Variants in CTNNA3 observed in about 807,000 individuals in gnomAD.
The protein encoded by CTNNA3 is catenin alpha 3, also known as catenin alpha-3.
A neutral mutation model predicts 95.7 loss-of-function variants in CTNNA3; 76 were observed. The observed-to-expected ratio is 0.79, with a 90% CI of 0.66 to 0.96. The LOEUF is 0.96. Ranked by LOEUF, CTNNA3 falls within the 40% of genes least tolerant of loss-of-function variation. The pLI, the probability that CTNNA3 is intolerant of heterozygous loss-of-function variation, is 0.00. For missense variants in CTNNA3, 1,191 were observed against 1,089.8 expected (o/e 1.09, Z -1.31); for synonymous variants, 431 against 374.4 (o/e 1.15, Z -1.74).
chr10:67,010,399 A>G (rs2133034395), intron 7 of CTNNA3, among the ~76,000 whole-genome samples: 1 of 152,338 alleles, frequency 6.6e-6, no homozygotes, highest in East Asian at 1.9e-4. Flanking sequence ...ACCTTTGAAA[A>G]TAAAAAGTCA....
At chr10:66,967,361 T>C (rs1476668688) in intron 7 of CTNNA3, among the ~76,000 whole-genome samples, 2 of 151,642 alleles carry the variant, frequency 1.3e-5, no homozygotes, top group Non-Finnish European at 2.9e-5. Flanking sequence ...GATAGATAGA[T>C]ATATGTAGAT....
At chr10:66,760,995 G>C (rs1220559654) in intron 9 of CTNNA3, among the ~76,000 whole-genome samples, 1 of 152,014 alleles carries the variant, frequency 6.6e-6, no homozygotes, top group Non-Finnish European at 1.5e-5. Context: ...TTTTTTGAGG[G>C]AAAGAAGAAG....
chr10:66,595,305 T>C (rs1044540215), intron 10 of CTNNA3, among the ~76,000 whole-genome samples: 24 of 151,044 alleles, frequency 1.6e-4, no homozygotes, highest in African/African-American at 5.9e-4. Context: ...TGCTGTTAAA[T>C]ATTCCTTGTT....
intron 4 of CTNNA3, among the ~76,000 whole-genome samples, chr10:67,528,864 A>G (rs1840230015): frequency 6.6e-6 from 1 of 152,214 alleles, no homozygotes; most frequent in Admixed American, 6.5e-5. Context: ...TTCTTAAAAA[A>G]TGAAAATTTT....
At chr10:66,236,959 T>TAA (rs57353041) in intron 13 of CTNNA3, among the ~76,000 whole-genome samples, 22 of 148,690 alleles carry the variant, frequency 1.5e-4, no homozygotes, top group East Asian at 2.0e-4. Flanking sequence ...CACTAAAAAT[T>TAA]AAAAAAAAAA....
At chr10:66,967,317 T>C (rs1455306711) in intron 7 of CTNNA3, among the ~76,000 whole-genome samples, 3 of 150,102 alleles carry the variant, frequency 2.0e-5, no homozygotes, top group Admixed American at 6.7e-5. Context: ...TAGATAGATA[T>C]AGATATGGAT....
intron 9 of CTNNA3, among the ~76,000 whole-genome samples, chr10:66,683,489 G>T (rs914086404): frequency 1.4e-4 from 21 of 152,134 alleles, no homozygotes; most frequent in African/African-American, 4.6e-4. Context: ...ATTGGACTGG[G>T]AACAGTGGGC....
At chr10:66,695,917 G>GGT (rs1554837116) in intron 9 of CTNNA3, among the ~76,000 whole-genome samples, 4 of 4,092 alleles carry the variant, frequency 9.8e-4, no homozygotes, top group Admixed American at 8.7e-3. Flanking sequence ...AGAGACGTAA[G>GGT]GGGGGGGGGC....
intron 7 of CTNNA3, among the ~76,000 whole-genome samples, chr10:67,170,430 T>C (rs1861968020): frequency 1.3e-5 from 2 of 152,198 alleles, no homozygotes; most frequent in Admixed American, 6.5e-5. Flanking sequence ...TGGAATATTA[T>C]GCAGCTATAA....
At position 66,719,184 on chromosome 10, in the gene CTNNA3, G is replaced by A. The variant is rs141436419; in HGVS notation, c.1281+47080C>T. On this transcript the variant is annotated intron_variant, in intron 9 of 17. Coordinates refer to ENST00000433211, the MANE Select transcript of CTNNA3 (RefSeq NM_013266.4). ...ATGTTTATTTCATTGCATTTTTATC[G>A]TTTTCTTGTGGGTCTGCCTTCTTGA... 4.0e-3 allele frequency among the ~76,000 whole-genome samples: 613 copies of A among 151,898 alleles called. 5 individuals are homozygous for A. The highest frequency in any genetic ancestry group is 6.8e-3 in the Middle Eastern group (2 of 292).
At chr10:66,279,504 A>G (rs1264771735) in intron 13 of CTNNA3, among the ~76,000 whole-genome samples, 1 of 152,024 alleles carries the variant, frequency 6.6e-6, no homozygotes, top group African/African-American at 2.4e-5. Flanking sequence ...GACACCTCTG[A>G]GGGTAGCTTT....
At chr10:67,182,538 C>T (rs1862608648) in intron 6 of CTNNA3, among the ~76,000 whole-genome samples, 1 of 151,876 alleles carries the variant, frequency 6.6e-6, no homozygotes, top group African/African-American at 2.4e-5. Flanking sequence ...AAAATTAATT[C>T]AAGAAGGATT....
At chr10:65,990,073 TA>T (rs200987750) in intron 15 of CTNNA3, among the ~76,000 whole-genome samples, 6,709 of 64,804 alleles carry the variant, frequency 0.1, 351 homozygotes, top group African/African-American at 0.22. Context: ...ATTTTGTGTG[TA>T]GTGTGTGTGT....
Position 66,300,083 on chromosome 10 carries a change from G to A in CTNNA3, c.1733-19462C>T, listed in dbSNP as rs972173105. Among the ~76,000 whole-genome samples, 8 of 151,730 alleles carry A rather than the reference G, an allele frequency of 5.3e-5. No individual in the cohort carries two copies. In the South Asian group the frequency reaches 8.3e-4, roughly 16 times the overall value. ...AATTTTTTATATTTTTAGTAGAGAC[G>A]GGTTTTCACCATGTTGGCCAGGCTG... On this transcript the variant is annotated intron_variant, in intron 12 of 17. Transcript: ENST00000433211.
chr10:66,123,389 A>G (rs955486625), intron 13 of CTNNA3, among the ~76,000 whole-genome samples: 4 of 152,124 alleles, frequency 2.6e-5, no homozygotes, highest in African/African-American at 9.7e-5. Context: ...GGTCTTGGGC[A>G]GCTCCGTCCC....
At chr10:67,297,383 A>T (rs1159765683) in intron 5 of CTNNA3, among the ~76,000 whole-genome samples, 1 of 152,216 alleles carries the variant, frequency 6.6e-6, no homozygotes, top group Non-Finnish European at 1.5e-5. Context: ...ACCTTAGGAC[A>T]TCTTTACTTC....
intron 7 of CTNNA3, among the ~76,000 whole-genome samples, chr10:67,038,909 T>C (rs1854230478): frequency 6.6e-6 from 1 of 152,068 alleles, no homozygotes; most frequent in South Asian, 2.1e-4. Context: ...AAATTAACTA[T>C]AAAATCCAGA....
chr10:66,703,011 T>C (rs1848005378), intron 9 of CTNNA3, among the ~76,000 whole-genome samples: 1 of 152,198 alleles, frequency 6.6e-6, no homozygotes, highest in African/African-American at 2.4e-5. Context: ...AATCTCATTA[T>C]TGATGTTAAA....
chr10:66,884,998 T>G (rs907049265), intron 7 of CTNNA3, among the ~76,000 whole-genome samples: 1 of 152,108 alleles, frequency 6.6e-6, no homozygotes, highest in South Asian at 2.1e-4. Flanking sequence ...TCCCAGGTTA[T>G]TACATAGCTT....
Sources: allele counts gnomAD v4.1 joint callset (sites outside exome capture counted in the v4.1 genomes callset), GRCh38; gene constraint gnomAD v4.1.1; transcripts MANE v1.5; gene names NCBI Gene and HGNC (gene_info 2026-07-23, HGNC 2026-07-21).